Variants in EDA observed in about 807,000 individuals in gnomAD.
The protein encoded by EDA is ectodysplasin A.
In EDA, 2 loss-of-function variants were observed where a neutral mutation model predicts 23.6. The observed-to-expected ratio is 0.08, with a 90% CI of 0.03 to 0.27. The LOEUF (loss-of-function observed/expected upper bound fraction) is 0.27. Ranked by LOEUF, EDA falls within the 10% of genes least tolerant of loss-of-function variation. The pLI is 1.00. For synonymous variants in EDA, 131 were observed against 132.0 expected, an observed-to-expected ratio of 0.99 and a Z score of 0.05; for missense variants, 229 against 324.2, an observed-to-expected ratio of 0.71 and a Z score of 2.26.
rs765057800 is a variant in EDA, at chrX:69,937,619, G to A, written c.397-19408G>A. On this transcript the variant is annotated intron_variant, in intron 1 of 7. Transcript: ENST00000374552. ...TCATAAGAAGTTCTGCAAAGTACTGGGTCTCAATTCCTTCCTCATCATGTT... is the reference window on the plus strand; with the variant it reads ...TCATAAGAAGTTCTGCAAAGTACTGAGTCTCAATTCCTTCCTCATCATGTT... The A allele has an allele frequency of 2.7e-5, 30 of 1,115,357 alleles. No homozygotes were observed. The South Asian group carries it at 3.3e-4, about 12-fold the overall frequency. The allele number at this position is 1,115,357 out of a possible 1,213,427, so 91.9% of individuals were successfully genotyped here. A position where few individuals can be genotyped will look rare whatever the true frequency, so the allele number is the denominator to read the frequency against.
chrX:69,895,366 C>T (rs2017996692), intron 1 of EDA, among the ~76,000 whole-genome samples: 1 of 103,862 alleles, frequency 9.6e-6, no homozygotes, highest in Non-Finnish European at 2.0e-5. Context: ...CCTCCTCACC[C>T]CATCCCTTCT....
chrX:69,754,998 A>G (rs745980806), intron 1 of EDA, among the ~76,000 whole-genome samples: 6 of 111,627 alleles, frequency 5.4e-5, no homozygotes, highest in African/African-American at 1.6e-4. Flanking sequence ...ATGGGTTTGA[A>G]CGTCCTCCTT....
At chrX:69,717,536 T>TC (rs35256468) in intron 1 of EDA, among the ~76,000 whole-genome samples, 77 of 107,114 alleles carry the variant, frequency 7.2e-4, no homozygotes, top group Middle Eastern at 4.3e-3. Flanking sequence ...TTTTTTTTTT[T>TC]CGAGATGGAG....
intron 1 of EDA, among the ~76,000 whole-genome samples, chrX:69,738,291 C>T (rs1397257383): frequency 9.1e-6 from 1 of 109,375 alleles, no homozygotes. Flanking sequence ...CTAATCTGTT[C>T]TTAATCCCAT....
intron 2 of EDA, among the ~76,000 whole-genome samples, chrX:70,018,241 A>C (rs1425011674): frequency 2.7e-5 from 3 of 112,490 alleles, no homozygotes; most frequent in Non-Finnish European, 5.6e-5. Context: ...TTTATGCGTC[A>C]GAAGAATCAA....
intron 1 of EDA, among the ~76,000 whole-genome samples, chrX:69,855,982 G>T (rs12834396): frequency 0.3 from 32,721 of 108,592 alleles, 4,694 homozygotes; most frequent in Middle Eastern, 0.54. Context: ...TGAGATTTTG[G>T]TGCACCCATC....
chrX:69,984,846 G>A, intron 2 of EDA, among the ~76,000 whole-genome samples: 1 of 10,105 alleles, frequency 9.9e-5, no homozygotes, highest in Admixed American at 1.2e-3. Context: ...CAATATCCTT[G>A]ATGAACATTG....
chrX:69,671,126 G>T (rs944768855), intron 1 of EDA, among the ~76,000 whole-genome samples: 1 of 111,459 alleles, frequency 9.0e-6, no homozygotes, highest in Non-Finnish European at 1.9e-5. Context: ...AGCAGACTAT[G>T]GTGACTCTCA....
intron 1 of EDA, among the ~76,000 whole-genome samples, chrX:69,621,829 C>A (rs1932191435): frequency 9.0e-6 from 1 of 111,442 alleles, no homozygotes; most frequent in East Asian, 2.8e-4. Context: ...CAGCCATAAC[C>A]TCCCAGGAAC....
At chrX:70,006,836 T>G (rs937894465) in intron 2 of EDA, among the ~76,000 whole-genome samples, 1 of 111,554 alleles carries the variant, frequency 9.0e-6, no homozygotes, top group African/African-American at 3.3e-5. Context: ...ATCTAAAAAT[T>G]TATTGCCAAG....
Position 69,780,009 on chromosome X carries a change from C to T in EDA, c.396+163305C>T, listed in dbSNP as rs1451037681. Among the ~76,000 whole-genome samples the T allele has an allele frequency of 7.6e-5, 8 of 105,373 alleles. No homozygotes were observed. The East Asian group carries it at 2.4e-3, about 31-fold the overall frequency. The allele number at this position is 105,373 out of a possible 115,157, so 91.5% of individuals were successfully genotyped here. A position where few individuals can be genotyped will look rare whatever the true frequency, so the allele number is the denominator to read the frequency against. On this transcript the variant is annotated intron_variant, in intron 1 of 7. Transcript: ENST00000374552. Reference sequence around the variant, plus strand: ...GGGCTTTGTCAGTCACTTTAGTAGTCATAGTTTAAAGACAGAAACAAAACT... The same window carrying T: ...GGGCTTTGTCAGTCACTTTAGTAGTTATAGTTTAAAGACAGAAACAAAACT...
intron 1 of EDA, among the ~76,000 whole-genome samples, chrX:69,895,773 A>G (rs2018005030): frequency 9.0e-6 from 1 of 111,554 alleles, no homozygotes; most frequent in Admixed American, 9.6e-5. Context: ...CCACAGCGGT[A>G]ATTATCATTT....
At chrX:69,807,071 A>G in intron 1 of EDA, among the ~76,000 whole-genome samples, 1 of 111,029 alleles carries the variant, frequency 9.0e-6, no homozygotes. Context: ...CTAGTTATAT[A>G]CCATCCACAT....
intron 1 of EDA, among the ~76,000 whole-genome samples, chrX:69,771,161 A>G (rs1460501246): frequency 2.1e-5 from 2 of 94,573 alleles, no homozygotes; most frequent in Non-Finnish European, 4.7e-5. Context: ...GGTTCAAGCG[A>G]TTCTCCTGCC....
intron 1 of EDA, among the ~76,000 whole-genome samples, chrX:69,731,301 C>A (rs2013015065): frequency 8.9e-6 from 1 of 111,740 alleles, no homozygotes; most frequent in Non-Finnish European, 1.9e-5. Flanking sequence ...TTTCAAAGAA[C>A]CAGCTATTGG....
chrX:69,894,468 T>G (rs2017978715), intron 1 of EDA, among the ~76,000 whole-genome samples: 1 of 112,019 alleles, frequency 8.9e-6, no homozygotes, highest in Admixed American at 9.5e-5. Context: ...TTGATAGGAA[T>G]AGCATCAAAT....
At chrX:69,781,552 G>C (rs1275628530) in intron 1 of EDA, among the ~76,000 whole-genome samples, 1 of 111,503 alleles carries the variant, frequency 9.0e-6, no homozygotes, top group Non-Finnish European at 1.9e-5. Flanking sequence ...TTTACTAATT[G>C]GCCCTTCACA....
At chrX:69,723,236 G>C (rs764192721) in intron 1 of EDA, among the ~76,000 whole-genome samples, 3 of 112,050 alleles carry the variant, frequency 2.7e-5, no homozygotes, top group African/African-American at 9.7e-5. Flanking sequence ...TGGTGTGTAG[G>C]TGTTAAATTA....
intron 2 of EDA, among the ~76,000 whole-genome samples, chrX:69,962,442 T>C (rs978491625): frequency 2.7e-5 from 3 of 112,312 alleles, no homozygotes; most frequent in African/African-American, 9.7e-5. Flanking sequence ...TTATTTTATT[T>C]TATTTTTGAG....
Sources: gnomAD v4.1 joint callset for allele counts (sites outside exome capture counted in the v4.1 genomes callset) on GRCh38, gnomAD v4.1.1 for gene constraint, MANE v1.5 for transcripts, NCBI Gene and HGNC (gene_info 2026-07-23, HGNC 2026-07-21) for gene names.